ARL5B: variants seen among roughly 807,000 people sequenced by gnomAD.
ARL5B encodes the protein ADP-ribosylation factor-like protein 5B.
A neutral mutation model predicts 26.9 loss-of-function variants in ARL5B; 10 were observed. The observed-to-expected ratio is 0.37, with a 90% CI of 0.23 to 0.63. The LOEUF (loss-of-function observed/expected upper bound fraction) is 0.63. ARL5B is among the 30% of genes least tolerant of loss of function. The pLI, the probability that ARL5B is intolerant of heterozygous loss-of-function variation, is 0.62. For synonymous variants in ARL5B, 87 were observed against 70.4 expected, an observed-to-expected ratio of 1.24 and a Z score of -1.18; for missense variants, 167 against 213.9, an observed-to-expected ratio of 0.78 and a Z score of 1.37.
rs2131632975 is a variant in ARL5B at position 18,659,514 on chromosome 10, A to G, written c.-124A>G. ...TCGGGTCGAGGCTTCTCGGCCTAGC[A>G]GTGCCCTCGCTGCGCGATCTCAGGC... On this transcript the variant is annotated 5_prime_UTR_variant, in exon 1 of 6. Coordinates refer to ENST00000377275, the MANE Select transcript of ARL5B (RefSeq NM_178815.5). 1 of 1,255,316 alleles carries G rather than the reference A, an allele frequency of 8.0e-7. No homozygotes were observed. The highest frequency in any genetic ancestry group is 1.6e-5 in the African/African-American group (1 of 63,452). 77.8% of individuals were successfully genotyped at this position (1,255,316 alleles called of 1,614,324 possible). A position where few individuals can be genotyped will look rare whatever the true frequency, so the allele number is the denominator to read the frequency against.
At chr10:18,669,660 A>G (rs1166876922) in intron 3 of ARL5B, among the ~76,000 whole-genome samples, 1 of 127,080 alleles carries the variant, frequency 7.9e-6, no homozygotes, top group Non-Finnish European at 1.7e-5. Flanking sequence ...AAAGAAGTAC[A>G]CCTAACCAAT....
chr10:18,680,058 A>C lies in ARL5B; in HGVS notation c.*4842A>C, dbSNP rs1212715803. On this transcript the variant is annotated 3_prime_UTR_variant, in exon 6 of 6. Transcript: ENST00000377275. ...TTCTCCTGGAAATGGAGAAATATGA[A>C]ATGTGCTGTGCATAGCTTTTGGAAT... The C allele has an allele frequency of 1.3e-5, 2 of 152,014 alleles. No individual in the cohort carries two copies. Among genetic ancestry groups the C allele is most frequent in the African/African-American group, 4.8e-5 (2 of 41,430 alleles). 9.4% of individuals were successfully genotyped at this position (152,014 alleles called of 1,614,324 possible).
At chr10:18,673,105 C>G (rs979992634) in intron 4 of ARL5B, among the ~76,000 whole-genome samples, 5 of 151,778 alleles carry the variant, frequency 3.3e-5, no homozygotes, top group Non-Finnish European at 5.9e-5. Context: ...CTCTGTTGCC[C>G]AGGCTGGAGT....
At chr10:18,668,841 C>T (rs2059873810) in intron 3 of ARL5B, among the ~76,000 whole-genome samples, 164 bp downstream of exon 3, 1 of 147,016 alleles carries the variant, frequency 6.8e-6, no homozygotes, top group Admixed American at 6.9e-5. Flanking sequence ...GTGATCTTGG[C>T]TCGCTGCAAG....
At chr10:18,662,753 G>T (rs1437987345) in intron 1 of ARL5B, among the ~76,000 whole-genome samples, 2 of 151,166 alleles carry the variant, frequency 1.3e-5, no homozygotes, top group African/African-American at 2.4e-5. Flanking sequence ...ACCCAGGCTG[G>T]AGTGCAGTGG....
chr10:18,669,114 T>TA (rs1445983530), intron 3 of ARL5B, among the ~76,000 whole-genome samples: 1 of 152,038 alleles, frequency 6.6e-6, no homozygotes, highest in Non-Finnish European at 1.5e-5. Flanking sequence ...TTCCTTTTTT[T>TA]AAAAAATAAA....
chr10:18,672,496 G>A (rs2059892331), intron 3 of ARL5B, 126 bp from the exon 4 acceptor site: 2 of 585,690 alleles, frequency 3.4e-6, no homozygotes, highest in South Asian at 2.3e-5. Flanking sequence ...TGGTGAAAAA[G>A]CAGTAGATGT....
chr10:18,671,614 G>A (rs2131644690), intron 3 of ARL5B, among the ~76,000 whole-genome samples: 1 of 151,838 alleles, frequency 6.6e-6, no homozygotes, highest in African/African-American at 2.4e-5. Context: ...GCTTAAGGGT[G>A]CTTTTTCGCT....
At chr10:18,664,336 C>G (rs35168277) in intron 1 of ARL5B, among the ~76,000 whole-genome samples, 1,782 of 151,866 alleles carry the variant, frequency 0.012, 45 homozygotes, top group African/African-American at 0.041. Context: ...ATCACTTCTC[C>G]TTGGCCTCCC....
intron 1 of ARL5B, among the ~76,000 whole-genome samples, chr10:18,663,156 C>T (rs1028685372): frequency 2.0e-5 from 3 of 152,098 alleles, no homozygotes; most frequent in Admixed American, 6.6e-5. Context: ...TTACAAGCAC[C>T]TGCCACCATG....
chr10:18,662,489 A>T (rs2059841436), intron 1 of ARL5B, among the ~76,000 whole-genome samples: 2 of 152,360 alleles, frequency 1.3e-5, no homozygotes, highest in South Asian at 2.1e-4. Context: ...TTATTATTCA[A>T]GGAAATAATT....
At chr10:18,669,970 G>A (rs1047535364) in intron 3 of ARL5B, among the ~76,000 whole-genome samples, 1 of 149,586 alleles carries the variant, frequency 6.7e-6, no homozygotes, top group Non-Finnish European at 1.5e-5. Flanking sequence ...CTCCAGCCTG[G>A]GTGACAAAAC....
intron 1 of ARL5B, among the ~76,000 whole-genome samples, chr10:18,662,113 T>C (rs1008923879): frequency 6.6e-6 from 1 of 152,240 alleles, no homozygotes; most frequent in Non-Finnish European, 1.5e-5. Flanking sequence ...TTTTTGTAAC[T>C]ATATTTATCT....
Position 18,676,795 on chromosome 10 carries a change from C to T in ARL5B, c.*1579C>T, listed in dbSNP as rs2059912285. 1 of 151,730 alleles carries T rather than the reference C, an allele frequency of 6.6e-6. No individual in the cohort carries two copies. The highest frequency in any genetic ancestry group is 1.5e-5 in the Non-Finnish European group (1 of 67,798). 9.4% of individuals were successfully genotyped at this position (151,730 alleles called of 1,614,324 possible). A position where few individuals can be genotyped will look rare whatever the true frequency, so the allele number is the denominator to read the frequency against. On this transcript the variant is annotated 3_prime_UTR_variant, in exon 6 of 6. Coordinates refer to ENST00000377275, the MANE Select transcript of ARL5B (RefSeq NM_178815.5). The stretch of plus-strand genomic sequence containing the variant: ...TTATATTTAGTCAAGTTAATTTAGT[C>T]GAATGTGGTAACATTTTTCTGATTT...
Position 18,674,094 on chromosome 10 carries a change from T to C in ARL5B, c.450T>C (p.His150=), listed in dbSNP as rs759726684. ...TCACCCTTAGTTCAATTAAGGATCA[T>C]CCATGGCACATTCAATCCTGCTGTG... ...KYLTLSSIKD[H]PWHIQSCCAL... is the part of the protein sequence containing the mutation. The change falls in exon 5 of 6, where the codon CAT becomes CAC. Residue 150 remains histidine (H), a synonymous_variant. Transcript: ENST00000377275. 1.2e-6 allele frequency: 2 copies of C among 1,612,706 alleles called. No individual in the cohort carries two copies. Among genetic ancestry groups the C allele is most frequent in the African/African-American group, 2.7e-5 (2 of 74,798 alleles).
chr10:18,665,577 G>T (rs2131639990), intron 1 of ARL5B, among the ~76,000 whole-genome samples: 1 of 152,250 alleles, frequency 6.6e-6, no homozygotes, highest in South Asian at 2.1e-4. Flanking sequence ...AGGAATATGA[G>T]CTGATAGTTG....
Position 18,659,548 on chromosome 10 carries a change from C to T in ARL5B, c.-90C>T, listed in dbSNP as rs1339064082. 49 of 1,466,596 alleles carry T rather than the reference C, an allele frequency of 3.3e-5. No individual in the cohort carries two copies. Among genetic ancestry groups the T allele is most frequent in the Non-Finnish European group, 4.1e-5 (45 of 1,109,704 alleles). 90.8% of individuals were successfully genotyped at this position (1,466,596 alleles called of 1,614,324 possible). On this transcript the variant is annotated 5_prime_UTR_variant, in exon 1 of 6. Coordinates refer to ENST00000377275, the MANE Select transcript of ARL5B (RefSeq NM_178815.5). Reference sequence around the variant, plus strand: ...GCTGCGCGATCTCAGGCGGGTTCTCCTCGGCTCCGCGCAGCCCGCGCCGCG... The same window carrying T: ...GCTGCGCGATCTCAGGCGGGTTCTCTTCGGCTCCGCGCAGCCCGCGCCGCG...
intron 5 of ARL5B, among the ~76,000 whole-genome samples, 163 bp downstream of exon 5, chr10:18,674,298 C>A (rs1026524232): frequency 6.6e-6 from 1 of 152,144 alleles, no homozygotes; most frequent in African/African-American, 2.4e-5. Flanking sequence ...AGAAATAATT[C>A]TAGTAAAATC....
In ARL5B at chr10:18,678,125, T is replaced by G. The variant is rs1043072215; in HGVS notation, c.*2909T>G. 6.6e-6 allele frequency: 1 copy of G among 151,784 alleles called. No individual in the cohort carries two copies. Among genetic ancestry groups the G allele is most frequent in the African/African-American group, 2.4e-5 (1 of 41,418 alleles). The allele number at this position is 151,784 out of a possible 1,614,324, so 9.4% of individuals were successfully genotyped here. A position where few individuals can be genotyped will look rare whatever the true frequency, so the allele number is the denominator to read the frequency against. On this transcript the variant is annotated 3_prime_UTR_variant, in exon 6 of 6. Coordinates refer to ENST00000377275, the MANE Select transcript of ARL5B (RefSeq NM_178815.5). ...TATAAGGGAATATATGGAATATTTT[T>G]TATTGTTAATGTAACTTAATTCCTT...
Sources: allele counts gnomAD v4.1 joint callset (sites outside exome capture counted in the v4.1 genomes callset), GRCh38; gene constraint gnomAD v4.1.1; transcripts MANE v1.5; gene names NCBI Gene and HGNC (gene_info 2026-07-23, HGNC 2026-07-21).